HM13: variants seen among roughly 807,000 people sequenced by gnomAD.
HM13 encodes the protein histocompatibility minor 13, also known as signal peptide peptidase.
HM13 carries 18 observed loss-of-function variants against 50.0 expected under a neutral mutation model. The observed-to-expected ratio is 0.36, with a 90% confidence interval of 0.25 to 0.53. HM13 has a LOEUF of 0.53. HM13 is among the 20% of genes least tolerant of loss of function. The pLI is 0.90. For missense variants in HM13, 393 were observed against 552.4 expected (o/e 0.71, Z 2.89); for synonymous variants, 197 against 232.6 (o/e 0.85, Z 1.39).
intron 9 of HM13, among the ~76,000 whole-genome samples, chr20:31,560,947 G>A (rs1310383778): frequency 6.6e-6 from 1 of 152,226 alleles, no homozygotes; most frequent in African/African-American, 2.4e-5. Context: ...CTGGGGACAT[G>A]CAGAGGTTAC....
At chr20:31,542,015 C>G (rs1381176884) in intron 3 of HM13, among the ~76,000 whole-genome samples, 1 of 152,230 alleles carries the variant, frequency 6.6e-6, no homozygotes, top group Non-Finnish European at 1.5e-5. Flanking sequence ...GGTGGGCTGG[C>G]CACCTCCTGC....
chr20:31,540,936 C>T (rs574553266), intron 3 of HM13: 1 of 150,720 alleles, frequency 6.6e-6, no homozygotes, highest in East Asian at 2.0e-4. Flanking sequence ...GTCAAGATCG[C>T]ACCACTGCAC....
intron 11 of HM13, among the ~76,000 whole-genome samples, chr20:31,566,686 G>A (rs1040736547): frequency 1.9e-4 from 29 of 152,228 alleles, no homozygotes; most frequent in African/African-American, 6.3e-4. Flanking sequence ...AACAGGGGGC[G>A]TGTGGGATGC....
chr20:31,559,505 A>C (rs1270929055), intron 8 of HM13, 106 bp from the exon 9 acceptor site: 32 of 1,101,994 alleles, frequency 2.9e-5, no homozygotes, highest in Non-Finnish European at 4.3e-5. Context: ...GTCTCCAATG[A>C]TTGCTCCAAG....
At chr20:31,562,997 T>C (rs982964107) in intron 10 of HM13, among the ~76,000 whole-genome samples, 1 of 152,164 alleles carries the variant, frequency 6.6e-6, no homozygotes, top group Non-Finnish European at 1.5e-5. Context: ...ATTCCCCCAG[T>C]GGCCATAAGG....
chr20:31,569,247 C>G lies in HM13; in HGVS notation c.*28C>G. Reference sequence around the variant, plus strand: ...CAGCTGGTGCCCGAGCCTCTCAGGGCCAGACCAGACAGATGGGGGCTGGGC... The same window carrying G: ...CAGCTGGTGCCCGAGCCTCTCAGGGGCAGACCAGACAGATGGGGGCTGGGC... On this transcript the variant is annotated 3_prime_UTR_variant, in exon 13 of 13. Coordinates refer to ENST00000398174, the MANE Select transcript of HM13 (RefSeq NM_178581.3). 1 of 1,451,130 alleles carries G rather than the reference C, an allele frequency of 6.9e-7. No homozygotes were observed. The highest frequency in any genetic ancestry group is 9.5e-7 in the Non-Finnish European group (1 of 1,053,636). The allele number at this position is 1,451,130 out of a possible 1,614,324, so 89.9% of individuals were successfully genotyped here.
At position 31,568,380 on chromosome 20, in the gene HM13, C is replaced by T. The variant is rs559978232; in HGVS notation, c.1181+156C>T. On this transcript the variant is annotated intron_variant, in intron 12 of 12. Transcript: ENST00000398174. ...CACAACCACCAGGCAGTGGTTGCAC[C>T]GAGCCATAGGGCTGGGAAGCAGGAC... 188 of 1,101,442 alleles carry T rather than the reference C, an allele frequency of 1.7e-4. No individual in the cohort carries two copies. The African/African-American group carries it at 2.6e-3, about 15-fold the overall frequency. The allele number at this position is 1,101,442 out of a possible 1,614,324, so 68.2% of individuals were successfully genotyped here. A position where few individuals can be genotyped will look rare whatever the true frequency, so the allele number is the denominator to read the frequency against.
chr20:31,560,985 G>A (rs1042564251), intron 9 of HM13, among the ~76,000 whole-genome samples: 1 of 152,204 alleles, frequency 6.6e-6, no homozygotes. Flanking sequence ...GGGAAGTCAC[G>A]TAATGGCAAT....
At chr20:31,523,756 G>A (rs1600617321) in intron 1 of HM13, among the ~76,000 whole-genome samples, 1 of 152,210 alleles carries the variant, frequency 6.6e-6, no homozygotes, top group African/African-American at 2.4e-5. Context: ...AAGTCCCACA[G>A]CACACTGCTG....
At chr20:31,530,213 G>A (rs1036039937) in intron 2 of HM13, among the ~76,000 whole-genome samples, 3 of 151,858 alleles carry the variant, frequency 2.0e-5, no homozygotes, top group Non-Finnish European at 4.4e-5. Flanking sequence ...GCAAAACTCC[G>A]TCTCAAAAAA....
At position 31,566,388 on chromosome 20, in the gene HM13, A is replaced by G. The variant is rs543198001; in HGVS notation, c.1034+93A>G. On this transcript the variant is annotated intron_variant, in intron 11 of 12. Coordinates refer to ENST00000398174, the MANE Select transcript of HM13 (RefSeq NM_178581.3). ...GCTGGGGGTATCTTTACACCTCTCC[A>G]GGGGAACATTGTTCCTGCCACCAGC... The G allele has an allele frequency of 2.7e-5, 27 of 1,018,580 alleles. 1 individual carries two copies. The East Asian group carries it at 5.9e-4, about 22-fold the overall frequency. 63.1% of individuals were successfully genotyped at this position (1,018,580 alleles called of 1,614,324 possible). A position where few individuals can be genotyped will look rare whatever the true frequency, so the allele number is the denominator to read the frequency against.
At chr20:31,565,894 CTG>C (rs1212113378) in intron 10 of HM13, among the ~76,000 whole-genome samples, 1 of 152,186 alleles carries the variant, frequency 6.6e-6, no homozygotes, top group African/African-American at 2.4e-5. Context: ...AGCAGAGTCT[CTG>C]GGAGTAGGAC....
intron 2 of HM13, among the ~76,000 whole-genome samples, chr20:31,532,709 CCT>C (rs1317304134): frequency 6.6e-6 from 1 of 152,152 alleles, no homozygotes; most frequent in Non-Finnish European, 1.5e-5. Context: ...CATTGATCTC[CCT>C]CTGTTTCCTT....
At chr20:31,538,098 C>T in intron 2 of HM13, 81 bp from the exon 3 acceptor site, 1 of 1,559,766 alleles carries the variant, frequency 6.4e-7, no homozygotes, top group East Asian at 2.2e-5. Context: ...GACCAACCTC[C>T]AGAAGAGACG....
rs777517842 is a variant in HM13 at position 31,528,478 on chromosome 20, T to G, written c.282+896T>G. ...ATTATAGGCACGCACCACCACACCC[T>G]GCTAATGTTTTCTTTTTTGAGACGG... On this transcript the variant is annotated intron_variant, in intron 2 of 12. Coordinates refer to ENST00000398174, the MANE Select transcript of HM13 (RefSeq NM_178581.3). Among the ~76,000 whole-genome samples the G allele has an allele frequency of 3.6e-4, 55 of 151,546 alleles. 1 individual carries two copies. Among genetic ancestry groups the G allele is most frequent in the Non-Finnish European group, 3.5e-4 (24 of 67,888 alleles).
chr20:31,545,668 G>A (rs1418580326), intron 4 of HM13, among the ~76,000 whole-genome samples: 1 of 152,092 alleles, frequency 6.6e-6, no homozygotes, highest in Non-Finnish European at 1.5e-5. Flanking sequence ...AGGTTAGTTA[G>A]GGTATGGATT....
chr20:31,526,977 C>T (rs1055373398), intron 1 of HM13, among the ~76,000 whole-genome samples: 4 of 152,174 alleles, frequency 2.6e-5, no homozygotes, highest in Admixed American at 1.3e-4. Flanking sequence ...AGCCCTTCTC[C>T]CCAGATGTGT....
chr20:31,539,426 C>G (rs1424731925), intron 3 of HM13: 1 of 985,336 alleles, frequency 1.0e-6, no homozygotes, highest in Non-Finnish European at 1.2e-6. Flanking sequence ...GGAAGACGTA[C>G]AAAGGAGGGA....
In HM13 at chr20:31,550,123, T is replaced by C; in HGVS notation, c.724+2T>C. On this transcript the variant is annotated splice_donor_variant, in intron 7 of 12. Coordinates refer to ENST00000398174, the MANE Select transcript of HM13 (RefSeq NM_178581.3). LOFTEE classifies it high-confidence loss of function. ...AGTCCTTCGAGGCACCAATAAAATG[T>C]AAGTGACCACCCTGCCACAGGGAAC... The C allele has an allele frequency of 6.2e-7, 1 of 1,613,152 alleles. No homozygotes were observed. Among genetic ancestry groups the C allele is most frequent in the Non-Finnish European group, 8.5e-7 (1 of 1,179,152 alleles).
Sources: gnomAD v4.1 joint callset for allele counts (sites outside exome capture counted in the v4.1 genomes callset) on GRCh38, gnomAD v4.1.1 for gene constraint, MANE v1.5 for transcripts, NCBI Gene and HGNC (gene_info 2026-07-23, HGNC 2026-07-21) for gene names.